Variants in POLR3B observed in about 807,000 individuals in gnomAD.
The protein encoded by POLR3B is DNA-directed RNA polymerase III subunit RPC2.
A neutral mutation model predicts 147.4 loss-of-function variants in POLR3B; 96 were observed. That is an observed-to-expected ratio of 0.65 (90% CI 0.55 to 0.77). The LOEUF is 0.77. POLR3B is among the 30% of genes least tolerant of loss of function. POLR3B has a pLI of 0.00. For synonymous variants in POLR3B, 461 were observed against 485.9 expected (o/e 0.95, Z 0.67); for missense variants, 1,036 against 1,413.5 (o/e 0.73, Z 4.28).
At chr12:106,412,481 A>G (rs1210677157) in intron 12 of POLR3B, among the ~76,000 whole-genome samples, 2 of 152,182 alleles carry the variant, frequency 1.3e-5, no homozygotes, top group Non-Finnish European at 2.9e-5. Flanking sequence ...TTTGACAGGG[A>G]TCACTGCCTG....
Position 106,459,130 on chromosome 12 carries a change from C to T in POLR3B, c.2453-121C>T, listed in dbSNP as rs1402087463. 6.9e-6 allele frequency: 5 copies of T among 721,396 alleles called. No individual in the cohort carries two copies. The African/African-American group carries it at 8.7e-5, about 12-fold the overall frequency. The allele number at this position is 721,396 out of a possible 1,614,324, so 44.7% of individuals were successfully genotyped here. On this transcript the variant is annotated intron_variant, in intron 21 of 27. Transcript: ENST00000228347. ...CAGCCTCAACCTAGGTTCAAGCAGT[C>T]CTCCTACCGCAGCCTCCTGAGTTGT...
chr12:106,467,787 A>G (rs2038026611), intron 23 of POLR3B, among the ~76,000 whole-genome samples: 1 of 152,186 alleles, frequency 6.6e-6, no homozygotes, highest in Middle Eastern at 3.2e-3. Flanking sequence ...CCAGCCTTGC[A>G]TCTCAGGGAT....
chr12:106,470,662 C>T (rs1480210194), intron 23 of POLR3B, among the ~76,000 whole-genome samples: 3 of 152,058 alleles, frequency 2.0e-5, no homozygotes, highest in Admixed American at 6.6e-5. Flanking sequence ...TTTTTGTTGA[C>T]GTTGATGCTA....
At position 106,475,609 on chromosome 12, in the gene POLR3B, A is replaced by C. The variant is rs900210652; in HGVS notation, c.2713+11989A>C. ...CTCCTCTTGTTGAATTGATCCCTTT[A>C]CCATTATGTAATGGCCTTCTTTGTC... On this transcript the variant is annotated intron_variant, in intron 23 of 27. Transcript: ENST00000228347. Among the ~76,000 whole-genome samples, 65 of 131,326 alleles carry C rather than the reference A, an allele frequency of 4.9e-4. 2 individuals are homozygous for C. The East Asian group carries it at 8.1e-3, about 16-fold the overall frequency. The allele number at this position is 131,326 out of a possible 152,430, so 86.2% of individuals were successfully genotyped here.
chr12:106,401,036 A>G (rs1198926658), intron 10 of POLR3B, among the ~76,000 whole-genome samples: 3 of 152,238 alleles, frequency 2.0e-5, no homozygotes, highest in Non-Finnish European at 4.4e-5. Context: ...TGAATCCAGC[A>G]GCTGGTTTTT....
rs540834941 is a variant in POLR3B at position 106,429,634 on chromosome 12, G to A, written c.1264-639G>A. On this transcript the variant is annotated intron_variant, in intron 13 of 27. Coordinates refer to ENST00000228347, the MANE Select transcript of POLR3B (RefSeq NM_018082.6). ...AAGATAAAGTAAATTTAATGTTCAAGGTTTAGTTCATATGAATCTATTTTA... is the reference window on the plus strand; with the variant it reads ...AAGATAAAGTAAATTTAATGTTCAAAGTTTAGTTCATATGAATCTATTTTA... Among the ~76,000 whole-genome samples the A allele has an allele frequency of 2.0e-4, 30 of 152,036 alleles. No homozygotes were observed. The South Asian group carries it at 4.0e-3, about 20-fold the overall frequency.
At chr12:106,502,461 G>A (rs936630296) in intron 26 of POLR3B, among the ~76,000 whole-genome samples, 3 of 152,212 alleles carry the variant, frequency 2.0e-5, no homozygotes, top group African/African-American at 7.2e-5. Context: ...ACAGGTGCCA[G>A]TGAATGTCAA....
intron 22 of POLR3B, among the ~76,000 whole-genome samples, chr12:106,459,823 T>A (rs1348178969): frequency 1.3e-5 from 2 of 152,222 alleles, no homozygotes; most frequent in Non-Finnish European, 2.9e-5. Flanking sequence ...GTATCTTACA[T>A]GAGTAAAGCA....
At position 106,376,339 on chromosome 12, in the gene POLR3B, T is replaced by C; in HGVS notation, c.405-20T>C. 2 of 1,559,624 alleles carry C rather than the reference T, an allele frequency of 1.3e-6. No homozygotes were observed. Among genetic ancestry groups the C allele is most frequent in the Non-Finnish European group, 1.8e-6 (2 of 1,133,808 alleles). On this transcript the variant is annotated intron_variant, in intron 6 of 27. Transcript: ENST00000228347. ...TTGACAGCCTACATGTGATATTTTCTTTTGTTTTATTTTATACAGAATGCC... is the reference window on the plus strand; with the variant it reads ...TTGACAGCCTACATGTGATATTTTCCTTTGTTTTATTTTATACAGAATGCC...
chr12:106,412,525 A>C (rs2037241897), intron 12 of POLR3B, among the ~76,000 whole-genome samples: 1 of 152,092 alleles, frequency 6.6e-6, no homozygotes, highest in Non-Finnish European at 1.5e-5. Context: ...CAGGAAACTC[A>C]CTCAGAACCA....
At chr12:106,393,302 T>A in intron 10 of POLR3B, 149 bp downstream of exon 10, 1 of 1,203,592 alleles carries the variant, frequency 8.3e-7, no homozygotes, top group Non-Finnish European at 1.2e-6. Context: ...TTTCTTTAAC[T>A]CACTTTCGTC....
chr12:106,381,434 A>G (rs1475396007), intron 9 of POLR3B, among the ~76,000 whole-genome samples: 1 of 152,216 alleles, frequency 6.6e-6, no homozygotes, highest in Non-Finnish European at 1.5e-5. Flanking sequence ...TGTTATTTCA[A>G]CAATGTATAC....
chr12:106,441,699 T>G (rs1262475984), intron 18 of POLR3B, among the ~76,000 whole-genome samples: 1 of 152,230 alleles, frequency 6.6e-6, no homozygotes, highest in Non-Finnish European at 1.5e-5. Flanking sequence ...TGTTGAATAT[T>G]TAGGTAGTTT....
At chr12:106,468,398 C>T (rs767420586) in intron 23 of POLR3B, among the ~76,000 whole-genome samples, 13 of 152,110 alleles carry the variant, frequency 8.5e-5, no homozygotes, top group Non-Finnish European at 1.6e-4. Flanking sequence ...CTTCAGAATA[C>T]CAGCTCCTGG....
chr12:106,374,528 T>C (rs1373246522), intron 6 of POLR3B, among the ~76,000 whole-genome samples: 1 of 151,896 alleles, frequency 6.6e-6, no homozygotes, highest in Non-Finnish European at 1.5e-5. Context: ...GTTTTTTTTT[T>C]TTTTGAGATG....
chr12:106,471,061 G>C (rs1478004989), intron 23 of POLR3B, among the ~76,000 whole-genome samples: 1 of 152,178 alleles, frequency 6.6e-6, no homozygotes, highest in Non-Finnish European at 1.5e-5. Context: ...GTAGAATCTA[G>C]AAAGGCAGTA....
At position 106,506,414 on chromosome 12, in the gene POLR3B, C is replaced by T. The variant is rs533501116; in HGVS notation, c.3272+2160C>T. Reference sequence around the variant, plus strand: ...CATTCTTCCTCCCTCTCCCCACCCCCGGAGAAAAAAGAAAACAGTCAACCC... The same window carrying T: ...CATTCTTCCTCCCTCTCCCCACCCCTGGAGAAAAAAGAAAACAGTCAACCC... On this transcript the variant is annotated intron_variant, in intron 27 of 27. Transcript: ENST00000228347. Among the ~76,000 whole-genome samples, 11 of 152,232 alleles carry T rather than the reference C, an allele frequency of 7.2e-5. No individual in the cohort carries two copies. In the South Asian group the frequency reaches 8.3e-4, roughly 11 times the overall value.
At chr12:106,477,427 G>C (rs2038189634) in intron 23 of POLR3B, among the ~76,000 whole-genome samples, 1 of 139,158 alleles carries the variant, frequency 7.2e-6, no homozygotes, top group South Asian at 2.3e-4. Context: ...GTTTACCTAA[G>C]CAAGCCTGGG....
intron 10 of POLR3B, among the ~76,000 whole-genome samples, chr12:106,398,398 C>A (rs1434272522): frequency 6.6e-6 from 1 of 152,226 alleles, no homozygotes; most frequent in South Asian, 2.1e-4. Flanking sequence ...TAGGCTCCAC[C>A]TCTGGGGGCA....
Sources: gnomAD v4.1 joint callset for allele counts (sites outside exome capture counted in the v4.1 genomes callset) on GRCh38, gnomAD v4.1.1 for gene constraint, MANE v1.5 for transcripts, NCBI Gene and HGNC (gene_info 2026-07-23, HGNC 2026-07-21) for gene names.